The following KANSL1 variants were observed in gnomAD, a reference collection of about 807,000 sequenced individuals.
The protein encoded by KANSL1 is KAT8 regulatory NSL complex subunit 1.
A neutral mutation model predicts 103.6 loss-of-function variants in KANSL1; 22 were observed. The observed-to-expected ratio is 0.21, with a 90% confidence interval of 0.15 to 0.30. The LOEUF is 0.30. KANSL1 is among the 10% of genes least tolerant of loss of function. The probability of loss-of-function intolerance (pLI) is 1.00; values close to 1 mark genes in which losing one functional copy is unlikely to be tolerated. For missense variants in KANSL1, 1,337 were observed against 1,399.8 expected, an observed-to-expected ratio of 0.96 and a Z score of 0.72; for synonymous variants, 600 against 527.6, an observed-to-expected ratio of 1.14 and a Z score of -1.88.
intron 2 of KANSL1, among the ~76,000 whole-genome samples, chr17:46,108,845 G>C (rs1171223700): frequency 1.3e-5 from 2 of 152,212 alleles, no homozygotes; most frequent in Non-Finnish European, 2.9e-5. Context: ...CTCTAATGCT[G>C]AAAGCGAGTC....
intron 2 of KANSL1, among the ~76,000 whole-genome samples, chr17:46,110,562 C>T (rs2042759589): frequency 6.6e-6 from 1 of 152,120 alleles, no homozygotes; most frequent in Admixed American, 6.5e-5. Context: ...TTGGAATATA[C>T]AAATTTACAA....
intron 2 of KANSL1, among the ~76,000 whole-genome samples, chr17:46,116,706 C>CT (rs1285819069): frequency 3.3e-5 from 5 of 152,234 alleles, no homozygotes; most frequent in African/African-American, 7.2e-5. Context: ...GCAATGCAAT[C>CT]TTTAACCTTA....
intron 2 of KANSL1, among the ~76,000 whole-genome samples, chr17:46,152,594 G>GGGGGA (rs148676884): frequency 7.4e-6 from 1 of 135,554 alleles, no homozygotes; most frequent in Non-Finnish European, 1.5e-5. Flanking sequence ...GGGGGGGGGG[G>GGGGGA]ATTTCAGAGA....
At chr17:46,167,739 T>G (rs1238071650) in intron 2 of KANSL1, among the ~76,000 whole-genome samples, 1 of 152,262 alleles carries the variant, frequency 6.6e-6, no homozygotes, top group Non-Finnish European at 1.5e-5. Flanking sequence ...TCAAGCATAA[T>G]ACAATGATAA....
chr17:46,196,389 A>G (rs1200954310), upstream of KANSL1: 2 of 456,260 alleles, frequency 4.4e-6, no homozygotes, highest in Non-Finnish European at 8.8e-6. Flanking sequence ...AGATGTGAGT[A>G]GAAGCCCCCT....
rs773225592 is a variant in KANSL1, at chr17:46,033,127, T to C, written c.2790A>G (p.Ala930=). The part of the protein sequence containing the change: ...LHAKCEEMER[A]RWLWTTSVPP... The stretch of plus-strand genomic sequence containing the variant: ...GCACACTCGTGGTCCACAGCCACCG[T>C]GCCCTCTCCATCTCCTCACATTTGG... The change falls in exon 13 of 15, where the codon GCA becomes GCG. Residue 930 remains alanine, a synonymous_variant. Transcript: ENST00000432791. 4 of 1,604,424 alleles carry C rather than the reference T, an allele frequency of 2.5e-6. No homozygotes were observed. The highest frequency in any genetic ancestry group is 1.7e-5 in the Admixed American group (1 of 59,172).
At position 46,086,245 on chromosome 17, in the gene KANSL1, A is replaced by G. The variant is rs1015109667; in HGVS notation, c.1432-3703T>C. Among the ~76,000 whole-genome samples the G allele has an allele frequency of 6.0e-4, 91 of 152,192 alleles. 1 individual carries two copies. The highest frequency in any genetic ancestry group is 2.0e-3 in the African/African-American group (83 of 41,438). The stretch of plus-strand genomic sequence containing the variant: ...AACTACAGAATAATTTCTAAATACA[A>G]CCCTCAGATAGATTATGAAGACATC... On this transcript the variant is annotated intron_variant, in intron 3 of 14. Transcript: ENST00000432791.
intron 10 of KANSL1, among the ~76,000 whole-genome samples, chr17:46,037,085 G>A (rs978650254): frequency 1.3e-5 from 2 of 152,136 alleles, no homozygotes; most frequent in African/African-American, 2.4e-5. Flanking sequence ...GGTTAGCATA[G>A]TGCTATACAC....
chr17:46,080,336 A>G, intron 4 of KANSL1, among the ~76,000 whole-genome samples: 1 of 144,220 alleles, frequency 6.9e-6, no homozygotes, highest in Non-Finnish European at 1.5e-5. Flanking sequence ...AAAAAAAAAA[A>G]GGAATAAATA....
rs1598441691 is a variant in KANSL1 at position 46,032,266 on chromosome 17, G to A, written c.2871C>T (p.Pro957=). The A allele has an allele frequency of 2.6e-6, 4 of 1,535,494 alleles. No individual in the cohort carries two copies. The highest frequency in any genetic ancestry group is 3.5e-6 in the Non-Finnish European group (4 of 1,140,574). The change falls in exon 14 of 15, where the codon CCC becomes CCT. Residue 957 remains proline (P), a synonymous_variant. Coordinates refer to ENST00000432791, the MANE Select transcript of KANSL1 (RefSeq NM_015443.4). The part of the protein sequence containing the change: ...SYRSSDGRTT[P]QLGSANPSTP... ...TGGAGGGGTTGGCACTGCCCAGCTGGGGGGTTGTCCGGCCGTCTGATGACC... is the reference window on the plus strand; with the variant it reads ...TGGAGGGGTTGGCACTGCCCAGCTGAGGGGTTGTCCGGCCGTCTGATGACC...
intron 3 of KANSL1, among the ~76,000 whole-genome samples, chr17:46,092,260 C>T (rs2079425491): frequency 6.6e-6 from 1 of 152,196 alleles, no homozygotes. Context: ...AGATTATTTT[C>T]CAGATATTTA....
chr17:46,068,351 C>A (rs1422021906), intron 4 of KANSL1, among the ~76,000 whole-genome samples: 1 of 151,940 alleles, frequency 6.6e-6, no homozygotes, highest in Non-Finnish European at 1.5e-5. Flanking sequence ...ATCTCTTGAG[C>A]CCAGGGGTTC....
chr17:46,163,480 A>C (rs1341273308), intron 2 of KANSL1, among the ~76,000 whole-genome samples: 1 of 152,132 alleles, frequency 6.6e-6, no homozygotes, highest in African/African-American at 2.4e-5. Flanking sequence ...TTCCTGTCTC[A>C]ACTTCCTGAG....
chr17:46,225,260 C>A (rs1259477448), upstream of KANSL1: 1 of 152,560 alleles, frequency 6.6e-6, no homozygotes, highest in Non-Finnish European at 1.5e-5. Context: ...CCTCCTCTAC[C>A]TCACCATCAC....
intron 2 of KANSL1, among the ~76,000 whole-genome samples, chr17:46,101,977 A>C (rs151176309): frequency 5.9e-5 from 9 of 152,266 alleles, no homozygotes; most frequent in Non-Finnish European, 1.2e-4. Context: ...GTTCCACTCT[A>C]AACAGAAAAA....
intron 6 of KANSL1, among the ~76,000 whole-genome samples, chr17:46,066,117 C>T (rs899097756): frequency 1.3e-5 from 2 of 152,110 alleles, no homozygotes; most frequent in African/African-American, 4.8e-5. Flanking sequence ...CTTGGCCTCC[C>T]GAAGTGTTGG....
intron 2 of KANSL1, among the ~76,000 whole-genome samples, chr17:46,141,419 A>T (rs2044414955): frequency 6.6e-6 from 1 of 152,246 alleles, no homozygotes; most frequent in African/African-American, 2.4e-5. Context: ...TTGTCTACAC[A>T]TCTAAATCAA....
chr17:46,125,978 T>C (rs2043537903), intron 2 of KANSL1, among the ~76,000 whole-genome samples: 1 of 152,198 alleles, frequency 6.6e-6, no homozygotes, highest in African/African-American at 2.4e-5. Context: ...TTCAACACTA[T>C]TACATATTAG....
Position 46,038,621 on chromosome 17 carries a change from TGTGTGGAGGATG to T in KANSL1, c.2446_2457del (p.His816_His819del). On this transcript the variant is annotated inframe_deletion, in exon 10 of 15. Transcript: ENST00000432791. ...GTGGAGAGCTGTCGCACCAAGGGAC[TGTGTGGAGGATG>T]GTGGGTGGCTGCCAAGTAGCTCGAA... The T allele has an allele frequency of 1.2e-6, 2 of 1,614,122 alleles. No homozygotes were observed. Among genetic ancestry groups the T allele is most frequent in the Non-Finnish European group, 1.7e-6 (2 of 1,180,024 alleles).
Sources: allele counts gnomAD v4.1 joint callset (sites outside exome capture counted in the v4.1 genomes callset), GRCh38; gene constraint gnomAD v4.1.1; transcripts MANE v1.5; gene names NCBI Gene and HGNC (gene_info 2026-07-23, HGNC 2026-07-21).